Variants in DSCAML1 observed in about 807,000 individuals in gnomAD.
DSCAML1 encodes the protein DS cell adhesion molecule like 1.
A neutral mutation model predicts 200.5 loss-of-function variants in DSCAML1; 38 were observed. The observed-to-expected ratio is 0.19, with a 90% confidence interval of 0.15 to 0.25. The LOEUF (loss-of-function observed/expected upper bound fraction) is 0.25, where lower values mean the gene tolerates loss of function less well. Among genes scored for constraint, DSCAML1 ranks in the 10% least tolerant of loss-of-function variants. The probability of loss-of-function intolerance (pLI) is 1.00; values close to 1 mark genes in which losing one functional copy is unlikely to be tolerated. For synonymous variants in DSCAML1, 1,215 were observed against 1,165.0 expected (o/e 1.04, Z -0.87); for missense variants, 2,223 against 2,858.8 (o/e 0.78, Z 5.07).
chr11:117,708,104 A>G (rs780511149), intron 3 of DSCAML1, among the ~76,000 whole-genome samples: 28 of 152,044 alleles, frequency 1.8e-4, no homozygotes, highest in African/African-American at 4.8e-4. Flanking sequence ...TCTGTGCCCT[A>G]TACTTCCTGT....
intron 1 of DSCAML1, among the ~76,000 whole-genome samples, chr11:117,789,136 T>C (rs1025738386): frequency 5.9e-5 from 9 of 152,234 alleles, no homozygotes; most frequent in Non-Finnish European, 1.0e-4. Flanking sequence ...TGTTTGTTTT[T>C]AAGATTCTTA....
intron 3 of DSCAML1, among the ~76,000 whole-genome samples, chr11:117,558,295 G>T (rs1013824579): frequency 2.0e-5 from 3 of 152,150 alleles, no homozygotes; most frequent in Admixed American, 6.5e-5. Context: ...ACCCTTAAGG[G>T]CCTGCCAGGG....
chr11:117,712,851 C>G (rs1485760785), intron 3 of DSCAML1, among the ~76,000 whole-genome samples: 1 of 151,990 alleles, frequency 6.6e-6, no homozygotes, highest in Non-Finnish European at 1.5e-5. Context: ...GTCTTCCCCC[C>G]GCCTCTCTCC....
intron 3 of DSCAML1, among the ~76,000 whole-genome samples, chr11:117,712,442 A>C (rs1258307645): frequency 6.6e-6 from 1 of 152,064 alleles, no homozygotes; most frequent in Non-Finnish European, 1.5e-5. Flanking sequence ...GCAATTACCA[A>C]ATTTCTATAT....
In DSCAML1 at chr11:117,505,700, G is replaced by A; in HGVS notation, c.1816C>T (p.Pro606Ser). The change falls in exon 9 of 33, where the codon CCC becomes TCC. Residue 606 changes from proline to serine, a missense_variant. Pro to Ser is a moderately conservative substitution (Grantham distance 74, BLOSUM62 -1). Around this residue, in one of 7 missense-constraint regions of DSCAML1, gnomAD observed 212 missense variants for 368.0 expected, o/e 0.58. Coordinates refer to ENST00000651296, the MANE Select transcript of DSCAML1 (RefSeq NM_020693.4). The surrounding 1 kb of genome is among the most constrained non-coding windows in gnomAD (Gnocchi z 6.7). ...TAGAGCAGCTGGCCGATGGAGGCGG[G>A]TGGGAATTCGAAGGGCTGGATCAGA... ...PPLIQPFEFP[P>S]ASIGQLLYIP... The A allele has an allele frequency of 1.2e-6, 2 of 1,612,716 alleles. No homozygotes were observed. The highest frequency in any genetic ancestry group is 1.7e-6 in the Non-Finnish European group (2 of 1,179,376).
chr11:117,564,045 G>A (rs541227779), intron 3 of DSCAML1, among the ~76,000 whole-genome samples: 31 of 152,340 alleles, frequency 2.0e-4, no homozygotes, highest in Admixed American at 8.5e-4. Context: ...GGGCCCACTA[G>A]TGGAGTTCAC....
chr11:117,562,824 C>T (rs1354698362), intron 3 of DSCAML1, among the ~76,000 whole-genome samples: 9 of 152,166 alleles, frequency 5.9e-5, no homozygotes, highest in African/African-American at 2.2e-4. Context: ...CTCCATCTCC[C>T]GGGTTCAAGT....
In DSCAML1 at chr11:117,516,082, G is replaced by A. The variant is rs2049759807; in HGVS notation, c.1783+385C>T. Among the ~76,000 whole-genome samples the A allele has an allele frequency of 2.0e-5, 3 of 152,164 alleles. No individual in the cohort carries two copies. Among genetic ancestry groups the A allele is most frequent in the Admixed American group, 2.0e-4 (3 of 15,288 alleles). Reference sequence around the variant, plus strand: ...TGTCAACCCTGGCCTCCTGTTGCTTGTGGCCTCCTTGTGTGGGCCCGCTGA... The same window carrying A: ...TGTCAACCCTGGCCTCCTGTTGCTTATGGCCTCCTTGTGTGGGCCCGCTGA... On this transcript the variant is annotated intron_variant, in intron 8 of 32. Transcript: ENST00000651296. The surrounding 1 kb of genome is among the most constrained non-coding windows in gnomAD (Gnocchi z 5.7).
At chr11:117,790,059 G>T (rs2055432119) in intron 1 of DSCAML1, among the ~76,000 whole-genome samples, 1 of 152,170 alleles carries the variant, frequency 6.6e-6, no homozygotes, top group African/African-American at 2.4e-5. Flanking sequence ...CAACGCAGGG[G>T]TCCTATCCTC....
chr11:117,551,500 T>C (rs1433209044), intron 3 of DSCAML1, among the ~76,000 whole-genome samples: 1 of 152,160 alleles, frequency 6.6e-6, no homozygotes, highest in Non-Finnish European at 1.5e-5. Flanking sequence ...TGCCTGACTC[T>C]CCCTGCCTGC....
chr11:117,663,132 A>G (rs1303301209), intron 3 of DSCAML1, among the ~76,000 whole-genome samples: 1 of 152,088 alleles, frequency 6.6e-6, no homozygotes, highest in Non-Finnish European at 1.5e-5. Context: ...TCAGCATGAG[A>G]CCCACTCTCA....
At chr11:117,660,224 C>T (rs1400771033) in intron 3 of DSCAML1, among the ~76,000 whole-genome samples, 1 of 152,222 alleles carries the variant, frequency 6.6e-6, no homozygotes, top group African/African-American at 2.4e-5. Flanking sequence ...GAATGCCGAG[C>T]TCCAGGTGGG....
chr11:117,438,183 G>T, intron 24 of DSCAML1, 100 bp from the exon 25 acceptor site: 1 of 1,165,808 alleles, frequency 8.6e-7, no homozygotes, highest in Non-Finnish European at 1.2e-6. Flanking sequence ...CCAGGCAGGG[G>T]GCAGAGTCAG....
intron 1 of DSCAML1, among the ~76,000 whole-genome samples, chr11:117,787,422 A>G (rs7123474): frequency 0.013 from 1,652 of 128,138 alleles, 36 homozygotes; most frequent in African/African-American, 0.039. Flanking sequence ...CTCTGATGAT[A>G]ATAATAATAA....
At chr11:117,768,286 G>A (rs988655738) in intron 3 of DSCAML1, among the ~76,000 whole-genome samples, 2 of 152,114 alleles carry the variant, frequency 1.3e-5, no homozygotes, top group African/African-American at 4.8e-5. Context: ...CTACATCCTA[G>A]GCACTTTGTT....
At chr11:117,545,176 G>A (rs1170860228) in intron 3 of DSCAML1, among the ~76,000 whole-genome samples, 6 of 151,786 alleles carry the variant, frequency 4.0e-5, no homozygotes, top group Admixed American at 3.9e-4. Context: ...GTTGTGGTGA[G>A]CTGAGATCGT....
In DSCAML1 at chr11:117,696,977, A is replaced by G. The variant is rs776056600; in HGVS notation, c.511+79814T>C. Among the ~76,000 whole-genome samples the G allele has an allele frequency of 2.6e-5, 4 of 152,336 alleles. No homozygotes were observed. The East Asian group carries it at 7.7e-4, about 29-fold the overall frequency. On this transcript the variant is annotated intron_variant, in intron 3 of 32. Transcript: ENST00000651296. ...TCCTCCACAGACTCTTCAGGGACTA[A>G]TATGGGAGCTAACATTTAACAAGGA...
intron 3 of DSCAML1, among the ~76,000 whole-genome samples, chr11:117,753,338 C>T (rs2054632843): frequency 6.6e-6 from 1 of 152,122 alleles, no homozygotes; most frequent in African/African-American, 2.4e-5. Context: ...GCTGAGTGGT[C>T]CCGCATTCTT....
intron 3 of DSCAML1, among the ~76,000 whole-genome samples, chr11:117,655,166 T>C (rs1189489631): frequency 6.6e-6 from 1 of 152,164 alleles, no homozygotes; most frequent in African/African-American, 2.4e-5. Flanking sequence ...CATGCCCTGA[T>C]ATTGGGGGCT....
Sources: gnomAD v4.1 joint callset for allele counts (sites outside exome capture counted in the v4.1 genomes callset) on GRCh38, gnomAD v4.1.1 for gene constraint, gnomAD v4.1.1 regional missense constraint, Gnocchi (gnomAD v3.1) non-coding constraint, MANE v1.5 for transcripts, NCBI Gene and HGNC (gene_info 2026-07-23, HGNC 2026-07-21) for gene names.